Variants in IPO7 observed in about 807,000 individuals in gnomAD.
The protein encoded by IPO7 is importin 7, also known as importin-7.
Under a neutral mutation model 136.4 loss-of-function variants are expected in IPO7, and 13 were observed. That is an observed-to-expected ratio of 0.10 (90% confidence interval 0.06 to 0.15). IPO7 has a LOEUF of 0.15. Among genes scored for constraint, IPO7 ranks in the 10% least tolerant of loss-of-function variants. The pLI, the probability that IPO7 is intolerant of heterozygous loss-of-function variation, is 1.00. For missense variants in IPO7, 857 were observed against 1,240.6 expected (o/e 0.69, Z 4.65); for synonymous variants, 403 against 404.4 (o/e 1.00, Z 0.04).
chr11:9,391,871 ATCC>A (rs1459507133), intron 1 of IPO7, among the ~76,000 whole-genome samples: 1 of 152,054 alleles, frequency 6.6e-6, no homozygotes, highest in Non-Finnish European at 1.5e-5. Context: ...GGATTAAGCT[ATCC>A]TCCTGCCTTA....
At chr11:9,425,805 G>A (rs1855196466) in intron 12 of IPO7, among the ~76,000 whole-genome samples, 1 of 151,896 alleles carries the variant, frequency 6.6e-6, no homozygotes, top group Admixed American at 6.6e-5. Flanking sequence ...CTTGAACCCG[G>A]GACGTGGAGT....
chr11:9,440,779 G>A (rs542544259), intron 23 of IPO7, 118 bp downstream of exon 23: 1 of 758,450 alleles, frequency 1.3e-6, no homozygotes, highest in African/African-American at 1.8e-5. Flanking sequence ...AGGCTGGTTA[G>A]GCAAAGTAAC....
chr11:9,417,034 A>G (rs781003639), intron 5 of IPO7, 25 bp from the exon 6 acceptor site: 20 of 1,100,466 alleles, frequency 1.8e-5, no homozygotes, highest in Middle Eastern at 2.0e-4. Flanking sequence ...GGATTTCGAA[A>G]TATTAATTCT....
intron 4 of IPO7, among the ~76,000 whole-genome samples, 171 bp downstream of exon 4, chr11:9,410,257 T>C (rs1258592406): frequency 6.6e-6 from 1 of 152,228 alleles, no homozygotes; most frequent in African/African-American, 2.4e-5. Context: ...AACTCCGCAG[T>C]TGCTTTTCTT....
intron 21 of IPO7, 21 bp from the exon 22 acceptor site, chr11:9,438,059 T>G (rs768123563): frequency 2.4e-4 from 119 of 504,602 alleles, no homozygotes; most frequent in East Asian, 1.3e-3. Context: ...TTTTTTTTTT[T>G]TTTTTTTTTT....
intron 9 of IPO7, 106 bp downstream of exon 9, chr11:9,423,246 C>A: frequency 1.5e-6 from 1 of 656,064 alleles, no homozygotes; most frequent in Non-Finnish European, 2.5e-6. Flanking sequence ...GTTACTTAGA[C>A]TACTTCTGGT....
rs397953468 is a variant in IPO7, at chr11:9,432,989, G to GTTTTTTTTTTTTTTTTTTTTTT, written c.1882-565_1882-564insTTTTTTTTTTTTTTTTTTTTTT. The GTTTTTTTTTTTTTTTTTTTTTT allele has an allele frequency of 6.9e-4, 85 of 123,222 alleles. 4 individuals carry two copies. Among genetic ancestry groups the GTTTTTTTTTTTTTTTTTTTTTT allele is most frequent in the African/African-American group, 2.4e-3 (84 of 34,328 alleles). 7.6% of individuals were successfully genotyped at this position (123,222 alleles called of 1,614,324 possible). ...TAACAGATGGGCTATCTTCCAAATGGTTTTTTTTTTTTTTTTGAGATGGAG... is the reference window on the plus strand; with the variant it reads ...TAACAGATGGGCTATCTTCCAAATGGTTTTTTTTTTTTTTTTTTTTTTTTTTTTTTTTTTTTTTGAGATGGAG... On this transcript the variant is annotated intron_variant, in intron 16 of 24. Transcript: ENST00000379719.
intron 22 of IPO7, among the ~76,000 whole-genome samples, chr11:9,440,084 AATT>A (rs1196069284): frequency 1.3e-5 from 2 of 152,304 alleles, no homozygotes; most frequent in Non-Finnish European, 2.9e-5. Flanking sequence ...TATTAAGAGA[AATT>A]ATTATAAGGG....
chr11:9,420,347 C>A, intron 6 of IPO7, 64 bp from the exon 7 acceptor site: 2 of 1,064,014 alleles, frequency 1.9e-6, no homozygotes, highest in Non-Finnish European at 2.8e-6. Flanking sequence ...TCAATCTATT[C>A]TCATCTCATG....
Position 9,438,045 on chromosome 11 carries a change from G to GTTTTT in IPO7, c.2490-7_2490-3dup, listed in dbSNP as rs202038310. 6.9e-4 allele frequency: 753 copies of GTTTTT among 1,092,916 alleles called. 19 individuals are homozygous for GTTTTT. Among genetic ancestry groups the GTTTTT allele is most frequent in the African/African-American group, 3.8e-3 (127 of 33,258 alleles). The allele number at this position is 1,092,916 out of a possible 1,614,324, so 67.7% of individuals were successfully genotyped here. ...TCTGCTTATTTAAGAAAAGAAAACA[G>GTTTTT]TTTTTTTTTTTTTTTTTTTTTTTTT... On this transcript the variant is annotated intron_variant, in intron 21 of 24. Coordinates refer to ENST00000379719, the MANE Select transcript of IPO7 (RefSeq NM_006391.3).
rs977895989 is a variant in IPO7 at position 9,439,736 on chromosome 11, G to T, written c.2696-719G>T. The stretch of plus-strand genomic sequence containing the variant: ...GATTACAGGCGTGTGCCACCACACC[G>T]GCTAATTTTTGTATTTTTAGTAGAG... On this transcript the variant is annotated intron_variant, in intron 22 of 24. Coordinates refer to ENST00000379719, the MANE Select transcript of IPO7 (RefSeq NM_006391.3). Among the ~76,000 whole-genome samples, 7 of 151,704 alleles carry T rather than the reference G, an allele frequency of 4.6e-5. No individual in the cohort carries two copies. The East Asian group carries it at 1.4e-3, about 30-fold the overall frequency.
At chr11:9,424,831 C>A in intron 10 of IPO7, 83 bp from the exon 11 acceptor site, 1 of 881,614 alleles carries the variant, frequency 1.1e-6, no homozygotes. Flanking sequence ...ATTTTCATAC[C>A]TTATGTAAAG....
intron 1 of IPO7, among the ~76,000 whole-genome samples, chr11:9,388,164 A>T (rs1334053701): frequency 2.4e-4 from 36 of 150,774 alleles, no homozygotes; most frequent in Admixed American, 2.4e-3. Flanking sequence ...TAAAAATAAA[A>T]ATAAATAAAT....
At chr11:9,393,293 G>C (rs1339939183) in intron 1 of IPO7, among the ~76,000 whole-genome samples, 1 of 152,240 alleles carries the variant, frequency 6.6e-6, no homozygotes, top group Admixed American at 6.5e-5. Flanking sequence ...TGAAAAAGCA[G>C]ACTGGAGATT....
intron 5 of IPO7, 147 bp from the exon 6 acceptor site, chr11:9,416,912 G>C (rs1855049204): frequency 2.2e-6 from 1 of 450,660 alleles, no homozygotes; most frequent in African/African-American, 2.0e-5. Context: ...TACCATTATA[G>C]ATAACAAGCA....
intron 1 of IPO7, among the ~76,000 whole-genome samples, chr11:9,385,874 A>G (rs1354249637): frequency 6.6e-6 from 1 of 152,216 alleles, no homozygotes; most frequent in Non-Finnish European, 1.5e-5. Flanking sequence ...AATCCTTCTT[A>G]AAAGGGCTGC....
chr11:9,446,686 GAA>G lies in IPO7; in HGVS notation c.*1498_*1499del, dbSNP rs746346546. On this transcript the variant is annotated 3_prime_UTR_variant, in exon 25 of 25. Transcript: ENST00000379719. ...ACAAGCTGTTGTCTAAAACAGGTGAGAAAAAAATTTATAACTGTAAAAACAAA... is the reference window on the plus strand; with the variant it reads ...ACAAGCTGTTGTCTAAAACAGGTGAGAAAAATTTATAACTGTAAAAACAAA... The G allele has an allele frequency of 2.0e-5, 3 of 152,036 alleles. No homozygotes were observed. The highest frequency in any genetic ancestry group is 1.9e-4 in the East Asian group (1 of 5,200). The allele number at this position is 152,036 out of a possible 1,614,324, so 9.4% of individuals were successfully genotyped here.
intron 1 of IPO7, among the ~76,000 whole-genome samples, chr11:9,385,588 C>T (rs1200822253): frequency 6.6e-6 from 1 of 152,176 alleles, no homozygotes; most frequent in Non-Finnish European, 1.5e-5. Flanking sequence ...AGTCGCTTAA[C>T]CTCTTGATCC....
intron 1 of IPO7, among the ~76,000 whole-genome samples, chr11:9,390,981 G>C (rs1478261090): frequency 6.6e-6 from 1 of 152,018 alleles, no homozygotes; most frequent in Non-Finnish European, 1.5e-5. Flanking sequence ...TGTTGGCCAG[G>C]CTGGTCTTGA....
Sources: gnomAD v4.1 joint callset for allele counts (sites outside exome capture counted in the v4.1 genomes callset) on GRCh38, gnomAD v4.1.1 for gene constraint, MANE v1.5 for transcripts, NCBI Gene and HGNC (gene_info 2026-07-23, HGNC 2026-07-21) for gene names.